Variants in COL11A1 observed in about 807,000 individuals in gnomAD.
The protein encoded by COL11A1 is collagen type XI alpha 1 chain.
COL11A1 carries 74 observed loss-of-function variants against 265.2 expected under a neutral mutation model. That is an observed-to-expected ratio of 0.28 (90% CI 0.23 to 0.34). COL11A1 has a LOEUF of 0.34. Among genes scored for constraint, COL11A1 ranks in the 10% least tolerant of loss-of-function variants. COL11A1 has a pLI of 1.00. For missense variants in COL11A1, 2,165 were observed against 2,263.6 expected (o/e 0.96, Z 0.88); for synonymous variants, 816 against 727.6 (o/e 1.12, Z -1.96).
At position 102,959,878 on chromosome 1, in the gene COL11A1, T is replaced by A. The variant is rs1458363869; in HGVS notation, c.3168+1988A>T. 2.6e-5 allele frequency among the ~76,000 whole-genome samples: 4 copies of A among 152,208 alleles called. No homozygotes were observed. The East Asian group carries it at 7.7e-4, about 29-fold the overall frequency. On this transcript the variant is annotated intron_variant, in intron 41 of 66. Transcript: ENST00000370096. ...TAAAAAATAACTTAAAACAATTTAA[T>A]CCTTATAGTCACAGCTCAGATGATT...
chr1:102,883,620 C>A (rs1650549883), intron 63 of COL11A1, among the ~76,000 whole-genome samples: 1 of 151,938 alleles, frequency 6.6e-6, no homozygotes, highest in African/African-American at 2.4e-5. Context: ...TCCATTTATC[C>A]CTGTGTAATA....
At chr1:103,065,026 C>A (rs1023697676) in intron 4 of COL11A1, among the ~76,000 whole-genome samples, 3 of 152,008 alleles carry the variant, frequency 2.0e-5, no homozygotes, top group Admixed American at 2.0e-4. Context: ...CAAGAGTGAA[C>A]ATGTAAACTA....
In COL11A1 at chr1:102,940,378, A is replaced by T. The variant is rs1291912579; in HGVS notation, c.3333T>A (p.Gly1111=). ...CGGCAGGACCAGCTGGCCCTGGGAG[A>T]CCAACAGGACCTTGAACTCCATCTC... ...AGRDGVQGPV[G]LPGPAGPAGS... is the part of the protein sequence containing the mutation. The change falls in exon 43 of 67, where the codon GGT becomes GGA. Residue 1111 remains glycine (G), a synonymous_variant. Transcript: ENST00000370096. The T allele has an allele frequency of 6.2e-7, 1 of 1,614,030 alleles. No homozygotes were observed. Among genetic ancestry groups the T allele is most frequent in the South Asian group, 1.1e-5 (1 of 91,082 alleles).
At chr1:102,899,613 C>T (rs1239512719) in intron 54 of COL11A1, among the ~76,000 whole-genome samples, 1 of 151,898 alleles carries the variant, frequency 6.6e-6, no homozygotes, top group Non-Finnish European at 1.5e-5. Flanking sequence ...ACTTTAGATG[C>T]CATCCAAAAG....
rs1250694021 is a variant in COL11A1 at position 103,017,840 on chromosome 1, G to T, written c.1393C>A (p.Pro465Thr). The change falls in exon 11 of 67, where the codon CCT (proline) becomes ACT (threonine). Residue 465 changes from proline (P) to threonine (T), a missense_variant. Physicochemically the swap from Pro to Thr is conservative, Grantham distance 38. Transcript: ENST00000370096. ...CTTACCCTATCGCCAGGGTCACCAG[G>T]GGGTCCAGTGGGGCCTTGTAGACCT... is the stretch of plus-strand genomic sequence containing the variant. ...PPGLQGPTGP[P>T]GDPGDRGPPG... 6.2e-7 allele frequency: 1 copy of T among 1,613,120 alleles called. No homozygotes were observed. The highest frequency in any genetic ancestry group is 1.7e-5 in the Admixed American group (1 of 59,978).
chr1:102,924,534 C>A (rs928083085), intron 46 of COL11A1, among the ~76,000 whole-genome samples: 14 of 152,140 alleles, frequency 9.2e-5, no homozygotes, highest in African/African-American at 3.4e-4. Context: ...TACTCTGGGG[C>A]ATGCATTCAT....
At chr1:102,962,089 T>A in intron 40 of COL11A1, 87 bp downstream of exon 40, 1 of 1,175,580 alleles carries the variant, frequency 8.5e-7, no homozygotes, top group Non-Finnish European at 1.3e-6. Flanking sequence ...TATCTTCCCT[T>A]AATCATCACT....
In COL11A1 at chr1:103,074,740, TCA is replaced by T; in HGVS notation, c.527_528del (p.Val176AspfsTer5). On this transcript the variant is annotated frameshift_variant, in exon 4 of 67. Coordinates refer to ENST00000370096, the MANE Select transcript of COL11A1 (RefSeq NM_001854.4). LOFTEE classifies it high-confidence loss of function. ...TTCTTCTTACAATCAACAATCATTGTCACAGTTTTCTTCTCCACGCTGATTGC... is the reference window on the plus strand; with the variant it reads ...TTCTTCTTACAATCAACAATCATTGTCAGTTTTCTTCTCCACGCTGATTGC... ...RVAISVEKKT[V>X]TMIVDCKKKT... 6.2e-7 allele frequency: 1 copy of T among 1,613,338 alleles called. No individual in the cohort carries two copies. The highest frequency in any genetic ancestry group is 8.5e-7 in the Non-Finnish European group (1 of 1,179,586).
Position 103,022,979 on chromosome 1 carries a change from T to A in COL11A1, c.1008A>T (p.Glu336Asp). ...CCGTTAGATATTCTTCAGTAAATAT[T>A]TCTTCAACTGGATTTGGCTATTAAT... ...SGTNEPNPVE[E>D]IFTEEYLTGE... Residue 336 changes from glutamate to aspartate, a missense_variant, in exon 8 of 67, where the codon GAA becomes GAT. Transcript: ENST00000370096. 1 of 1,612,862 alleles carries A rather than the reference T, an allele frequency of 6.2e-7. No individual in the cohort carries two copies. Among genetic ancestry groups the A allele is most frequent in the Non-Finnish European group, 8.5e-7 (1 of 1,179,446 alleles).
chr1:103,092,451 C>G (rs189427370), intron 1 of COL11A1, among the ~76,000 whole-genome samples: 1 of 152,164 alleles, frequency 6.6e-6, no homozygotes, highest in East Asian at 1.9e-4. Context: ...CAAAATTTGT[C>G]AAATCTTATG....
chr1:102,898,983 TC>T lies in COL11A1; in HGVS notation c.4097del (p.Gly1366GlufsTer92). 2 of 1,551,256 alleles carry T rather than the reference TC, an allele frequency of 1.3e-6. No individual in the cohort carries two copies. The highest frequency in any genetic ancestry group is 1.7e-5 in the Admixed American group (1 of 57,232). On this transcript the variant is annotated frameshift_variant, in exon 55 of 67. Transcript: ENST00000370096. LOFTEE classifies it high-confidence loss of function. ...CTTGTCTTCCCTCTGCACCTGCAGC[TC>T]CAGGAGGACCCTATAGACATAAGAT... ...PGPPGKRGPP[G>X]AAGAEGRQGE...
chr1:103,070,399 A>G (rs1337180), intron 4 of COL11A1, among the ~76,000 whole-genome samples: 141,702 of 151,328 alleles, frequency 0.94, 66,571 homozygotes, highest in East Asian at 1. Flanking sequence ...ACCAATCAAC[A>G]TAATTCGACA....
intron 4 of COL11A1, among the ~76,000 whole-genome samples, chr1:103,034,615 G>A (rs575118166): frequency 6.7e-6 from 1 of 150,360 alleles, no homozygotes; most frequent in Admixed American, 6.6e-5. Context: ...ATTTAGTCAT[G>A]TTTTTTACGT....
chr1:102,962,583 C>A, intron 39 of COL11A1, 70 bp downstream of exon 39: 1 of 1,293,670 alleles, frequency 7.7e-7, no homozygotes, highest in Non-Finnish European at 1.1e-6. Flanking sequence ...AATCTGTAGA[C>A]AAGGGGTGAG....
intron 4 of COL11A1, among the ~76,000 whole-genome samples, chr1:103,066,666 A>G (rs532984335): frequency 5.3e-5 from 8 of 152,012 alleles, no homozygotes; most frequent in African/African-American, 1.9e-4. Context: ...AGCCACATCA[A>G]TAACAAATCA....
At chr1:103,022,645 CT>C in intron 8 of COL11A1, 96 bp downstream of exon 8, 1 of 1,470,978 alleles carries the variant, frequency 6.8e-7, no homozygotes, top group South Asian at 1.2e-5. Context: ...AAAATTCAAC[CT>C]GCATTTTAAA....
intron 14 of COL11A1, among the ~76,000 whole-genome samples, chr1:103,011,212 AC>A (rs1666098214): frequency 6.6e-6 from 1 of 152,124 alleles, no homozygotes; most frequent in Non-Finnish European, 1.5e-5. Context: ...ACACTAACAT[AC>A]TACTTACTTT....
At chr1:102,920,216 G>A (rs571200623) in intron 49 of COL11A1, 95 bp downstream of exon 49, 32 of 1,114,774 alleles carry the variant, frequency 2.9e-5, no homozygotes, top group Non-Finnish European at 4.3e-5. Flanking sequence ...AAAAGGCTTA[G>A]AAACACACAT....
intron 41 of COL11A1, 150 bp from the exon 42 acceptor site, chr1:102,947,106 G>A: frequency 1.4e-6 from 1 of 727,100 alleles, no homozygotes; most frequent in Non-Finnish European, 2.3e-6. Flanking sequence ...AAGAGAAACA[G>A]TTGAATCCAC....
Sources: gnomAD v4.1 joint callset for allele counts (sites outside exome capture counted in the v4.1 genomes callset) on GRCh38, gnomAD v4.1.1 for gene constraint, MANE v1.5 for transcripts, NCBI Gene and HGNC (gene_info 2026-07-23, HGNC 2026-07-21) for gene names.